Variants in INO80 observed in about 807,000 individuals in gnomAD.
The protein encoded by INO80 is chromatin-remodeling ATPase INO80.
A neutral mutation model predicts 203.4 loss-of-function variants in INO80; 20 were observed. That is an observed-to-expected ratio of 0.10 (90% confidence interval 0.07 to 0.14). INO80 has a LOEUF of 0.14. Ranked by LOEUF, INO80 falls within the 10% of genes least tolerant of loss-of-function variation. INO80 has a pLI of 1.00. For synonymous variants in INO80, 726 were observed against 685.2 expected, an observed-to-expected ratio of 1.06 and a Z score of -0.93; for missense variants, 1,419 against 1,914.4, an observed-to-expected ratio of 0.74 and a Z score of 4.83.
rs1318902237 is a variant in INO80 at position 41,016,234 on chromosome 15, G to A, written c.3275-19C>T. 1 of 1,611,476 alleles carries A rather than the reference G, an allele frequency of 6.2e-7. No homozygotes were observed. The highest frequency in any genetic ancestry group is 1.7e-5 in the Admixed American group (1 of 59,686). The stretch of plus-strand genomic sequence containing the variant: ...TCCTTGCCTGGGGAGAAGAAAAGGG[G>A]GTGAGGGGGAACTGTATTTAATTGA... On this transcript the variant is annotated intron_variant, in intron 26 of 35. Coordinates refer to ENST00000648947, the MANE Select transcript of INO80 (RefSeq NM_017553.3).
At chr15:41,058,380 T>C (rs911588296) in intron 16 of INO80, among the ~76,000 whole-genome samples, 1 of 152,096 alleles carries the variant, frequency 6.6e-6, no homozygotes, top group African/African-American at 2.4e-5. Flanking sequence ...ACCTCTCATA[T>C]ATTGGACGGG....
intron 24 of INO80, among the ~76,000 whole-genome samples, chr15:41,035,947 G>A (rs1043516571): frequency 2.0e-5 from 3 of 149,904 alleles, no homozygotes; most frequent in African/African-American, 4.9e-5. Context: ...TGGTCAACAT[G>A]GTGAAACCCC....
intron 1 of INO80, among the ~76,000 whole-genome samples, chr15:41,103,809 T>C (rs574221292): frequency 2.6e-5 from 4 of 152,328 alleles, no homozygotes; most frequent in South Asian, 4.1e-4. Flanking sequence ...AGTTACTTTT[T>C]ACAATTTAAT....
intron 31 of INO80, among the ~76,000 whole-genome samples, chr15:40,986,314 TGC>T (rs1387195126): frequency 6.8e-6 from 1 of 146,208 alleles, no homozygotes; most frequent in Non-Finnish European, 1.5e-5. Flanking sequence ...TACTCCACAA[TGC>T]TTTTTTTTTT....
At chr15:41,070,368 T>A (rs2045290838) in intron 13 of INO80, 99 bp downstream of exon 13, 1 of 1,032,838 alleles carries the variant, frequency 9.7e-7, no homozygotes, top group South Asian at 1.4e-5. Flanking sequence ...TATCTTGGAA[T>A]GCTACACAGC....
intron 6 of INO80, among the ~76,000 whole-genome samples, chr15:41,087,023 T>C (rs1275416993): frequency 6.6e-6 from 1 of 152,102 alleles, no homozygotes; most frequent in Non-Finnish European, 1.5e-5. Flanking sequence ...TTTCCAATTC[T>C]AGAACTAAAG....
At chr15:40,998,771 A>G (rs2043916246) in intron 28 of INO80, among the ~76,000 whole-genome samples, 3 of 151,958 alleles carry the variant, frequency 2.0e-5, no homozygotes, top group African/African-American at 7.3e-5. Flanking sequence ...CTCCTGCCTC[A>G]GCCTCCCGAG....
intron 31 of INO80, among the ~76,000 whole-genome samples, chr15:40,985,632 C>T (rs947000952): frequency 6.6e-6 from 1 of 152,036 alleles, no homozygotes; most frequent in African/African-American, 2.4e-5. Flanking sequence ...TGGGCTGGCT[C>T]GGTGTGGTGA....
At position 41,081,050 on chromosome 15, in the gene INO80, A is replaced by G. The variant is rs1348299041; in HGVS notation, c.897T>C (p.Ala299=). 1 of 1,601,292 alleles carries G rather than the reference A, an allele frequency of 6.2e-7. No individual in the cohort carries two copies. The highest frequency in any genetic ancestry group is 1.3e-5 in the African/African-American group (1 of 74,648). Reference sequence around the variant, plus strand: ...GGCTATTGGTGAGAAACAGGTTACGAGCTGAAGCTTTCTGCTTATTTGCCT... The same window carrying G: ...GGCTATTGGTGAGAAACAGGTTACGGGCTGAAGCTTTCTGCTTATTTGCCT... ...LPKANKQKAS[A]RNLFLTNSRK... Residue 299 remains alanine (A), a synonymous_variant, in exon 8 of 36, where the codon GCT becomes GCC. Transcript: ENST00000648947.
At chr15:41,068,040 C>T (rs2045250426) in intron 14 of INO80, among the ~76,000 whole-genome samples, 1 of 152,166 alleles carries the variant, frequency 6.6e-6, no homozygotes, top group Non-Finnish European at 1.5e-5. Flanking sequence ...GAATTCTTTT[C>T]CTCTGAATTA....
At chr15:41,102,247 A>C (rs16971507) in intron 1 of INO80, among the ~76,000 whole-genome samples, 4,222 of 152,258 alleles carry the variant, frequency 0.028, 188 homozygotes, top group African/African-American at 0.096. Context: ...ATGCCCATGC[A>C]TTTGCATTTT....
intron 1 of INO80, among the ~76,000 whole-genome samples, chr15:41,113,000 C>G (rs1430290895): frequency 6.6e-6 from 1 of 151,502 alleles, no homozygotes; most frequent in Non-Finnish European, 1.5e-5. Context: ...ACTGCAATCT[C>G]TGCCTCCTGG....
chr15:41,111,329 C>T (rs1483100846), intron 1 of INO80, among the ~76,000 whole-genome samples: 1 of 152,128 alleles, frequency 6.6e-6, no homozygotes. Context: ...GCCTGTAGTC[C>T]CGGTTACTCA....
At chr15:41,058,883 C>T in intron 15 of INO80, 102 bp from the exon 16 acceptor site, 1 of 1,076,356 alleles carries the variant, frequency 9.3e-7, no homozygotes, top group Admixed American at 2.4e-5. Flanking sequence ...TTTAAGACAG[C>T]CCTGAAGATG....
intron 24 of INO80, among the ~76,000 whole-genome samples, chr15:41,029,856 G>A (rs1204770180): frequency 6.6e-6 from 1 of 152,218 alleles, no homozygotes; most frequent in African/African-American, 2.4e-5. Flanking sequence ...TCTGACATCA[G>A]CAGTAGCCCA....
At chr15:41,068,228 C>G (rs1299455699) in intron 14 of INO80, among the ~76,000 whole-genome samples, 1 of 151,932 alleles carries the variant, frequency 6.6e-6, no homozygotes, top group East Asian at 1.9e-4. Context: ...TCAAGACCAG[C>G]CTGGGCAACA....
At chr15:40,993,076 T>C (rs962946916) in intron 29 of INO80, among the ~76,000 whole-genome samples, 1 of 152,196 alleles carries the variant, frequency 6.6e-6, no homozygotes, top group Non-Finnish European at 1.5e-5. Flanking sequence ...ATTACAGGCA[T>C]GAGCCACCAT....
At chr15:41,038,072 T>A (rs973702829) in intron 24 of INO80, among the ~76,000 whole-genome samples, 2 of 132,526 alleles carry the variant, frequency 1.5e-5, no homozygotes, top group African/African-American at 5.7e-5. Flanking sequence ...TGGAGTGCAG[T>A]GGCATGATCT....
chr15:41,072,209 A>G, intron 11 of INO80, 151 bp from the exon 12 acceptor site: 1 of 547,356 alleles, frequency 1.8e-6, no homozygotes, highest in Non-Finnish European at 3.2e-6. Context: ...ACGTAGTATC[A>G]TATGACATCA....
Sources: gnomAD v4.1 joint callset for allele counts (sites outside exome capture counted in the v4.1 genomes callset) on GRCh38, gnomAD v4.1.1 for gene constraint, MANE v1.5 for transcripts, NCBI Gene and HGNC (gene_info 2026-07-23, HGNC 2026-07-21) for gene names.